Variants in RGS12 observed in about 807,000 individuals in gnomAD.
RGS12 encodes regulator of G-protein signaling 12.
Under a neutral mutation model 120.1 loss-of-function variants are expected in RGS12, and 66 were observed. The observed-to-expected ratio is 0.55, with a 90% CI of 0.45 to 0.67. RGS12 has a LOEUF of 0.67. Among genes scored for constraint, RGS12 ranks in the 30% least tolerant of loss-of-function variants. The probability of loss-of-function intolerance (pLI) is 0.00; values close to 1 mark genes in which losing one functional copy is unlikely to be tolerated. For synonymous variants in RGS12, 827 were observed against 804.7 expected, an observed-to-expected ratio of 1.03 and a Z score of -0.47; for missense variants, 1,859 against 1,957.7, an observed-to-expected ratio of 0.95 and a Z score of 0.95.
At chr4:3,373,156 C>T (rs1009177034) in intron 3 of RGS12, among the ~76,000 whole-genome samples, 17 of 152,144 alleles carry the variant, frequency 1.1e-4, no homozygotes, top group African/African-American at 3.9e-4. Context: ...AGTGTGGTCA[C>T]GAGGGGGCGG....
chr4:3,422,029 A>G (rs1277702825), intron 10 of RGS12, among the ~76,000 whole-genome samples: 1 of 152,194 alleles, frequency 6.6e-6, no homozygotes, highest in Non-Finnish European at 1.5e-5. Flanking sequence ...GCTGGAACCC[A>G]GAGCCCTGGG....
intron 4 of RGS12, among the ~76,000 whole-genome samples, chr4:3,399,604 G>A (rs1399837765): frequency 6.6e-6 from 1 of 152,178 alleles, no homozygotes; most frequent in East Asian, 1.9e-4. Context: ...CAATCTTTAG[G>A]AAAATATAAA....
chr4:3,319,266 G>A (rs1489488323), intron 2 of RGS12, among the ~76,000 whole-genome samples: 1 of 152,108 alleles, frequency 6.6e-6, no homozygotes, highest in Admixed American at 6.5e-5. Flanking sequence ...CTCTAGCCTG[G>A]GTGACAGAGC....
At chr4:3,427,678 G>T (rs1347425869) in intron 14 of RGS12, among the ~76,000 whole-genome samples, 5 of 152,220 alleles carry the variant, frequency 3.3e-5, no homozygotes, top group African/African-American at 1.2e-4. Context: ...GGGGGTTGCA[G>T]TGAGCCGAGA....
chr4:3,405,098 G>A (rs1720967282), intron 4 of RGS12, among the ~76,000 whole-genome samples: 1 of 152,258 alleles, frequency 6.6e-6, no homozygotes, highest in African/African-American at 2.4e-5. Flanking sequence ...TGTAGTAACA[G>A]GAGGGGGGCT....
chr4:3,348,835 C>T (rs143857505), intron 3 of RGS12, among the ~76,000 whole-genome samples: 80 of 152,264 alleles, frequency 5.3e-4, no homozygotes, highest in Admixed American at 2.4e-3. Context: ...CAGTGATATG[C>T]GGCCAGCAGG....
intron 4 of RGS12, among the ~76,000 whole-genome samples, chr4:3,394,433 G>C (rs1719845849): frequency 6.6e-6 from 1 of 152,190 alleles, no homozygotes; most frequent in African/African-American, 2.4e-5. Flanking sequence ...AAAGTGGTGG[G>C]ATTACAGGCG....
intron 4 of RGS12, 199 bp from the exon 5 acceptor site, chr4:3,413,873 G>A: frequency 3.5e-6 from 2 of 570,184 alleles, no homozygotes; most frequent in East Asian, 5.6e-5. Context: ...GTTGGGGTCT[G>A]TGTTTTGTTC....
chr4:3,351,216 A>C, intron 3 of RGS12, among the ~76,000 whole-genome samples: 1 of 152,202 alleles, frequency 6.6e-6, no homozygotes, highest in Middle Eastern at 3.4e-3. Context: ...TTAAAAAAAA[A>C]CAACAAAATT....
chr4:3,400,241 G>C (rs6812029), intron 4 of RGS12, among the ~76,000 whole-genome samples: 7,772 of 152,256 alleles, frequency 0.051, 617 homozygotes, highest in African/African-American at 0.17. Context: ...ATAGAAGTTT[G>C]TAAATAAAAT....
At chr4:3,338,838 A>G (rs1712762961) in intron 2 of RGS12, among the ~76,000 whole-genome samples, 1 of 152,188 alleles carries the variant, frequency 6.6e-6, no homozygotes, top group Admixed American at 6.5e-5. Context: ...TTCCCTGTTT[A>G]GTACTCTTTG....
At chr4:3,301,037 CCT>C (rs1422084499) in intron 1 of RGS12, among the ~76,000 whole-genome samples, 1 of 152,092 alleles carries the variant, frequency 6.6e-6, no homozygotes, top group Non-Finnish European at 1.5e-5. Flanking sequence ...CGGCTGCCCT[CCT>C]CTGTAACACG....
intron 3 of RGS12, among the ~76,000 whole-genome samples, chr4:3,380,930 C>T (rs1465344676): frequency 1.3e-5 from 2 of 152,218 alleles, no homozygotes; most frequent in Non-Finnish European, 2.9e-5. Context: ...ATTTATGCAG[C>T]AGGCTTGAAT....
intron 4 of RGS12, among the ~76,000 whole-genome samples, chr4:3,386,702 T>C (rs1718889466): frequency 6.6e-6 from 1 of 152,188 alleles, no homozygotes; most frequent in East Asian, 1.9e-4. Context: ...GTCTGAGGAG[T>C]GCACCCACCC....
rs1053114195 is a variant in RGS12 at position 3,390,353 on chromosome 4, G to A, written c.2020+3916G>A. Among the ~76,000 whole-genome samples the A allele has an allele frequency of 2.0e-5, 3 of 152,254 alleles. No homozygotes were observed. The highest frequency in any genetic ancestry group is 2.1e-4 in the South Asian group (1 of 4,822). On this transcript the variant is annotated intron_variant, in intron 4 of 17. Transcript: ENST00000336727. This position sits in a 1 kb window ranked among gnomAD's most constrained non-coding sequence, Gnocchi z 4.6. Reference sequence around the variant, plus strand: ...CCACGTGGCAGGTCAGAGTTGTCCCGGCACCCGGCACAGCGGCTGGCACGA... The same window carrying A: ...CCACGTGGCAGGTCAGAGTTGTCCCAGCACCCGGCACAGCGGCTGGCACGA...
At chr4:3,311,662 A>C (rs983765368) in intron 1 of RGS12, among the ~76,000 whole-genome samples, 1 of 152,204 alleles carries the variant, frequency 6.6e-6, no homozygotes, top group African/African-American at 2.4e-5. Flanking sequence ...CAAAATTATC[A>C]AAAGTACCGC....
chr4:3,405,688 G>C (rs568026963), intron 4 of RGS12, among the ~76,000 whole-genome samples: 1 of 152,188 alleles, frequency 6.6e-6, no homozygotes, highest in African/African-American at 2.4e-5. Flanking sequence ...GGGCAAAGAG[G>C]CATGCTGTCT....
chr4:3,377,294 A>G (rs1024892110), intron 3 of RGS12, among the ~76,000 whole-genome samples: 1 of 152,024 alleles, frequency 6.6e-6, no homozygotes, highest in Non-Finnish European at 1.5e-5. Flanking sequence ...CTGGTCTCGA[A>G]CTCCTGAGCT....
At chr4:3,386,588 G>T (rs1010288654) in intron 4 of RGS12, 151 bp downstream of exon 4, 18 of 684,228 alleles carry the variant, frequency 2.6e-5, no homozygotes, top group Admixed American at 2.1e-4. Context: ...GTTAATTCTG[G>T]GGGCGCTTTC....
Sources: allele counts gnomAD v4.1 joint callset (sites outside exome capture counted in the v4.1 genomes callset), GRCh38; gene constraint gnomAD v4.1.1; non-coding constraint Gnocchi (gnomAD v3.1); transcripts MANE v1.5; gene names NCBI Gene and HGNC (gene_info 2026-07-23, HGNC 2026-07-21).